Variants in POU2F3 observed in about 807,000 individuals in gnomAD.
POU2F3 encodes the protein POU domain, class 2, transcription factor 3.
In POU2F3, 23 loss-of-function variants were observed where a neutral mutation model predicts 59.2. The ratio of observed to expected loss-of-function variants is 0.39; its 90% CI spans 0.28 to 0.55. The LOEUF (loss-of-function observed/expected upper bound fraction) is 0.55. POU2F3 is among the 20% of genes least tolerant of loss of function. The probability of loss-of-function intolerance (pLI) is 0.66; values close to 1 mark genes in which losing one functional copy is unlikely to be tolerated. For synonymous variants in POU2F3, 190 were observed against 214.6 expected, an observed-to-expected ratio of 0.89 and a Z score of 1.00; for missense variants, 473 against 544.5, an observed-to-expected ratio of 0.87 and a Z score of 1.31.
intron 3 of POU2F3, among the ~76,000 whole-genome samples, chr11:120,288,128 C>CAAAAAAAAAAAAAAAAAAAAAAAACAAA: frequency 3.2e-5 from 2 of 63,330 alleles, no homozygotes; most frequent in Non-Finnish European, 2.6e-5. Context: ...ACAAAAAAAC[C>CAAAAAAAAAAAAAAAAAAAAAAAACAAA]AAAAAAAAAA....
chr11:120,282,160 C>A (rs1940596187), intron 3 of POU2F3, among the ~76,000 whole-genome samples: 2 of 152,186 alleles, frequency 1.3e-5, no homozygotes, highest in Non-Finnish European at 2.9e-5. Context: ...AGTGTTCTTA[C>A]CTGTGCCCTG....
rs778686808 is a variant in POU2F3 at position 120,307,573 on chromosome 11, C to T, written c.864C>T (p.Ile288=). 4.8e-5 allele frequency: 78 copies of T among 1,614,042 alleles called. No homozygotes were observed. The highest frequency in any genetic ancestry group is 6.3e-5 in the Non-Finnish European group (74 of 1,180,024). Residue 288 remains isoleucine (I), a synonymous_variant, in exon 9 of 13, where the codon ATC becomes ATT. Transcript: ENST00000543440. ...FGRKRKKRTS[I]ETNIRLTLEK... is the part of the protein sequence containing the mutation. ...GGAAGAGAAAGAAACGGACCAGCAT[C>T]GAGACCAACATCCGCCTGACTCTGG... is the stretch of plus-strand genomic sequence containing the variant.
intron 2 of POU2F3, among the ~76,000 whole-genome samples, chr11:120,262,554 C>T (rs1376368033): frequency 1.3e-5 from 2 of 152,238 alleles, no homozygotes; most frequent in Admixed American, 6.5e-5. Flanking sequence ...AGCACAATAT[C>T]ATTATCACAC....
chr11:120,278,765 G>A (rs1312016337), intron 3 of POU2F3, among the ~76,000 whole-genome samples: 1 of 152,144 alleles, frequency 6.6e-6, no homozygotes, highest in African/African-American at 2.4e-5. Context: ...GGCCTGTCAG[G>A]GGGTGGAGGG....
chr11:120,299,512 C>A, intron 4 of POU2F3, 112 bp from the exon 5 acceptor site: 1 of 844,052 alleles, frequency 1.2e-6, no homozygotes, highest in Non-Finnish European at 1.8e-6. Context: ...CCAAGGTCAG[C>A]CTGCAAAGTC....
intron 8 of POU2F3, among the ~76,000 whole-genome samples, 187 bp downstream of exon 8, chr11:120,305,972 T>C (rs1210054300): frequency 6.6e-6 from 1 of 152,192 alleles, no homozygotes; most frequent in Admixed American, 6.5e-5. Context: ...GCTCGACTAC[T>C]GAGAAGCCCT....
Position 120,264,259 on chromosome 11 carries a change from C to T in POU2F3, c.98-4951C>T, listed in dbSNP as rs531780187. Reference sequence around the variant, plus strand: ...ATTAGCTGAGCATGGTGGCACATGCCTGTAGTCCCAGCTACTCTGGAGGCT... The same window carrying T: ...ATTAGCTGAGCATGGTGGCACATGCTTGTAGTCCCAGCTACTCTGGAGGCT... On this transcript the variant is annotated intron_variant, in intron 2 of 12. Coordinates refer to ENST00000543440, the MANE Select transcript of POU2F3 (RefSeq NM_014352.4). Among the ~76,000 whole-genome samples, 4 of 151,288 alleles carry T rather than the reference C, an allele frequency of 2.6e-5. No individual in the cohort carries two copies. The South Asian group carries it at 8.4e-4, about 32-fold the overall frequency.
intron 5 of POU2F3, 129 bp downstream of exon 5, chr11:120,299,855 C>T: frequency 1.4e-6 from 1 of 699,700 alleles, no homozygotes. Flanking sequence ...CTATTAAGAC[C>T]TACTTATCCA....
intron 3 of POU2F3, among the ~76,000 whole-genome samples, chr11:120,279,450 C>T (rs1167434516): frequency 1.3e-5 from 2 of 152,196 alleles, no homozygotes; most frequent in African/African-American, 4.8e-5. Context: ...TCATTTTCTC[C>T]ACCACCCTTC....
At chr11:120,257,810 C>T (rs1377936900) in intron 2 of POU2F3, among the ~76,000 whole-genome samples, 8 of 152,142 alleles carry the variant, frequency 5.3e-5, no homozygotes, top group African/African-American at 7.2e-5. Context: ...TGCTGCAAAA[C>T]GAAGGAACAA....
At chr11:120,275,903 C>A (rs1277728533) in intron 3 of POU2F3, among the ~76,000 whole-genome samples, 1 of 152,216 alleles carries the variant, frequency 6.6e-6, no homozygotes, top group African/African-American at 2.4e-5. Context: ...TTGAATGTGA[C>A]CAACCAACTA....
Position 120,261,144 on chromosome 11 carries a change from T to G in POU2F3, c.98-8066T>G, listed in dbSNP as rs892795606. 4.9e-4 allele frequency: 24 copies of G among 48,956 alleles called. No homozygotes were observed. In the African/African-American group the frequency reaches 5.9e-3, roughly 12 times the overall value. The allele number at this position is 48,956 out of a possible 1,614,324, so 3.0% of individuals were successfully genotyped here. On this transcript the variant is annotated intron_variant, in intron 2 of 12. Transcript: ENST00000543440. The stretch of plus-strand genomic sequence containing the variant: ...AGTGCTTTGGGGTTGGAGACATGGT[T>G]TTTTTTTTTGTTGTTTTGTGTGTGT...
At chr11:120,295,233 A>G (rs11217801) in intron 3 of POU2F3, among the ~76,000 whole-genome samples, 21,912 of 152,260 alleles carry the variant, frequency 0.14, 1,903 homozygotes, top group Admixed American at 0.3. Flanking sequence ...GATAGCGCCC[A>G]GGTTGGAGGC....
At chr11:120,299,837 C>T in intron 5 of POU2F3, 111 bp downstream of exon 5, 1 of 858,784 alleles carries the variant, frequency 1.2e-6, no homozygotes. Flanking sequence ...CAGTCAGTCA[C>T]CCATCTGCTA....
rs1468220892 is a variant in POU2F3 at position 120,284,902 on chromosome 11, T to G, written c.133-13363T>G. 2.0e-5 allele frequency among the ~76,000 whole-genome samples: 3 copies of G among 152,314 alleles called. No individual in the cohort carries two copies. The East Asian group carries it at 5.8e-4, about 29-fold the overall frequency. ...CCGCTGCTCTGACACAAGGCTGTCTTCCTCCTTTTAATCCTGTGTGTTGAC... is the reference window on the plus strand; with the variant it reads ...CCGCTGCTCTGACACAAGGCTGTCTGCCTCCTTTTAATCCTGTGTGTTGAC... On this transcript the variant is annotated intron_variant, in intron 3 of 12. Transcript: ENST00000543440.
chr11:120,238,962 G>A (rs1280526543), upstream of POU2F3, among the ~76,000 whole-genome samples: 2 of 150,822 alleles, frequency 1.3e-5, no homozygotes, highest in East Asian at 2.0e-4. Context: ...CTAAAGGCAC[G>A]AAAGATGCCT....
In POU2F3 at chr11:120,318,364, G is replaced by A. The variant is rs370231426; in HGVS notation, c.1283G>A (p.Arg428Gln). Residue 428 changes from arginine (R) to glutamine (Q), a missense_variant, in exon 13 of 13, where the codon CGA (arginine) becomes CAA (glutamine). Physicochemically the swap from Arg to Gln is conservative, Grantham distance 43. Transcript: ENST00000543440. ...SSFNSSGSWYRWNHSTYLH is the reference protein window; with the variant it reads ...SSFNSSGSWYQWNHSTYLH ...TTTCTTCCTTCCAGATCTTGGTACC[G>A]ATGGAATCATTCCACCTACCTCCAC... The A allele has an allele frequency of 4.5e-5, 73 of 1,605,590 alleles. No homozygotes were observed. The highest frequency in any genetic ancestry group is 8.3e-5 in the Admixed American group (5 of 60,016).
intron 2 of POU2F3, among the ~76,000 whole-genome samples, chr11:120,264,960 T>C (rs1037233074): frequency 1.3e-5 from 2 of 152,204 alleles, no homozygotes; most frequent in African/African-American, 2.4e-5. Context: ...CAAAGATGAA[T>C]AAATTTAAGC....
At chr11:120,258,804 C>T (rs1020611942) in intron 2 of POU2F3, 5 of 152,206 alleles carry the variant, frequency 3.3e-5, no homozygotes, top group African/African-American at 1.2e-4. Context: ...TTAGCCCTGA[C>T]CATGCTGCCA....
Sources: allele counts gnomAD v4.1 joint callset (sites outside exome capture counted in the v4.1 genomes callset), GRCh38; gene constraint gnomAD v4.1.1; transcripts MANE v1.5; gene names NCBI Gene and HGNC (gene_info 2026-07-23, HGNC 2026-07-21).